Variants in SLC2A11 observed in about 807,000 individuals in gnomAD.
SLC2A11 encodes the protein solute carrier family 2, facilitated glucose transporter member 11.
In SLC2A11, 43 loss-of-function variants were observed where a neutral mutation model predicts 52.1. The ratio of observed to expected loss-of-function variants is 0.82; its 90% CI spans 0.65 to 1.06. The LOEUF is 1.06. Among genes scored for constraint, SLC2A11 ranks in the 50% least tolerant of loss-of-function variants. The pLI is 0.00. For missense variants in SLC2A11, 582 were observed against 654.2 expected (o/e 0.89, Z 1.20); for synonymous variants, 261 against 277.6 (o/e 0.94, Z 0.59).
chr22:23,883,900 G>C (rs746576623), intron 9 of SLC2A11, 27 bp downstream of exon 9: 1 of 1,608,478 alleles, frequency 6.2e-7, no homozygotes, highest in Non-Finnish European at 8.5e-7. Flanking sequence ...AGGGCTGGGG[G>C]GTCCAGGCCG....
chr22:23,876,117 GAGGGAGAC>G (rs2032606033), intron 4 of SLC2A11, among the ~76,000 whole-genome samples: 1 of 152,146 alleles, frequency 6.6e-6, no homozygotes, highest in African/African-American at 2.4e-5. Flanking sequence ...GAGGGAGAGA[GAGGGAGAC>G]AGGGAGACAG....
chr22:23,857,587 C>CG (rs2031888872), upstream of SLC2A11: 30 of 1,452,772 alleles, frequency 2.1e-5, no homozygotes, highest in Non-Finnish European at 2.7e-5. Context: ...ACCCCCCCCC[C>CG]GCGGCGGCGA....
chr22:23,857,167 T>G, upstream of SLC2A11: 1 of 973,540 alleles, frequency 1.0e-6, no homozygotes, highest in Non-Finnish European at 1.5e-6. Flanking sequence ...CCTCCGAGGT[T>G]CTGGCGGCCG....
intron 1 of SLC2A11, among the ~76,000 whole-genome samples, chr22:23,859,548 C>T (rs1325002303): frequency 6.6e-6 from 1 of 151,890 alleles, no homozygotes; most frequent in Non-Finnish European, 1.5e-5. Flanking sequence ...AGGGCAGTGG[C>T]GCGATCTGGG....
rs186436250 is a variant in SLC2A11 at position 23,885,090 on chromosome 22, T to G, written c.*241T>G. On this transcript the variant is annotated 3_prime_UTR_variant, in exon 12 of 12. Coordinates refer to ENST00000316185, the MANE Select transcript of SLC2A11 (RefSeq NM_001024939.4). ...ATTACAGGCTGGTTGTGGCAGCTCA[T>G]GACTGTAATCCCAGCACTTTGGGAG... 3.3e-4 allele frequency: 186 copies of G among 559,850 alleles called. 1 individual carries two copies. The highest frequency in any genetic ancestry group is 3.1e-3 in the African/African-American group (162 of 52,700). The allele number at this position is 559,850 out of a possible 1,614,324, so 34.7% of individuals were successfully genotyped here.
At chr22:23,864,289 G>A (rs758625448) in intron 2 of SLC2A11, among the ~76,000 whole-genome samples, 38 of 152,242 alleles carry the variant, frequency 2.5e-4, no homozygotes, top group Non-Finnish European at 4.6e-4. Flanking sequence ...AGTTTAGAAA[G>A]GGAGATCTGA....
At position 23,858,286 on chromosome 22, in the gene SLC2A11, T is replaced by C. The variant is rs2031929216; in HGVS notation, c.30+257T>C. On this transcript the variant is annotated intron_variant, in intron 1 of 11. Coordinates refer to ENST00000316185, the MANE Select transcript of SLC2A11 (RefSeq NM_001024939.4). ...CAGCCCCCAGAGATGCTAAATCCTC[T>C]GCCGATCAGCCCTGACCTCAGAGGC... 3 of 638,326 alleles carry C rather than the reference T, an allele frequency of 4.7e-6. No homozygotes were observed. In the South Asian group the frequency reaches 5.2e-5, roughly 11 times the overall value. The allele number at this position is 638,326 out of a possible 1,614,324, so 39.5% of individuals were successfully genotyped here.
In SLC2A11 at chr22:23,883,763, C is replaced by T; in HGVS notation, c.994-9C>T. ...TGGGTGTGTGGGTCTGTGCTTTCTG[C>T]CTTTGCAGTGTGTGGTAATCGAGAG... is the stretch of plus-strand genomic sequence containing the variant. On this transcript the variant is annotated splice_polypyrimidine_tract_variant and intron_variant, in intron 8 of 11. Transcript: ENST00000316185. The T allele has an allele frequency of 6.6e-7, 1 of 1,515,656 alleles. No individual in the cohort carries two copies. The highest frequency in any genetic ancestry group is 1.3e-5 in the South Asian group (1 of 74,456). 93.9% of individuals were successfully genotyped at this position (1,515,656 alleles called of 1,614,324 possible). A position where few individuals can be genotyped will look rare whatever the true frequency, so the allele number is the denominator to read the frequency against.
chr22:23,857,327 C>G, upstream of SLC2A11: 1 of 1,191,004 alleles, frequency 8.4e-7, no homozygotes, highest in Non-Finnish European at 1.2e-6. Context: ...GACTTGGGAG[C>G]GCGGCGACCA....
intron 1 of SLC2A11, 166 bp downstream of exon 1, chr22:23,858,195 A>G (rs1601480493): frequency 1.8e-6 from 2 of 1,101,172 alleles, no homozygotes. Flanking sequence ...TCAGATGTGC[A>G]TAGGCAGGTG....
In SLC2A11 at chr22:23,882,587, A is replaced by G. The variant is rs752123986; in HGVS notation, c.823A>G (p.Arg275Gly). ...GCTGTTCCAGCATCGGGCCCTGAGG[A>G]GACAGGTGACAAGCCTCGTGGTTCT... is the stretch of plus-strand genomic sequence containing the variant. ...WELFQHRALR[R>G]QVTSLVVLGS... Residue 275 changes from arginine to glycine, a missense_variant, in exon 7 of 12, where the codon AGA (arginine) becomes GGA (glycine). Physicochemically the swap from Arg to Gly is moderately radical, Grantham distance 125 (BLOSUM62 -2). Transcript: ENST00000316185. The G allele has an allele frequency of 1.2e-6, 2 of 1,613,376 alleles. No homozygotes were observed. Among genetic ancestry groups the G allele is most frequent in the African/African-American group, 2.7e-5 (2 of 74,998 alleles).
At chr22:23,872,429 A>G (rs1224056561) in intron 3 of SLC2A11, 2 of 152,160 alleles carry the variant, frequency 1.3e-5, no homozygotes, top group Non-Finnish European at 2.9e-5. Flanking sequence ...TTGCATTGTG[A>G]TCCCCTTTTA....
chr22:23,859,673 G>A (rs764669352), intron 1 of SLC2A11, among the ~76,000 whole-genome samples: 7 of 152,154 alleles, frequency 4.6e-5, no homozygotes, highest in Non-Finnish European at 8.8e-5. Flanking sequence ...ATTTTTAGTA[G>A]AGACAGGGTT....
chr22:23,875,013 T>C, intron 3 of SLC2A11, 104 bp from the exon 4 acceptor site: 1 of 1,288,512 alleles, frequency 7.8e-7, no homozygotes, highest in Non-Finnish European at 1.0e-6. Flanking sequence ...CATTTGTGTG[T>C]GTGTCTAATT....
rs1473439695 is a variant in SLC2A11, at chr22:23,885,801, G to A, written c.*952G>A. Reference sequence around the variant, plus strand: ...GAGTGGTCAGAAAAGAATTTTCTGAGGAATTGATGTTTTTAATCAACTTTA... The same window carrying A: ...GAGTGGTCAGAAAAGAATTTTCTGAAGAATTGATGTTTTTAATCAACTTTA... On this transcript the variant is annotated 3_prime_UTR_variant, in exon 12 of 12. Transcript: ENST00000316185. The A allele has an allele frequency of 6.6e-6, 1 of 152,178 alleles. No homozygotes were observed. The highest frequency in any genetic ancestry group is 1.5e-5 in the Non-Finnish European group (1 of 68,034). 9.4% of individuals were successfully genotyped at this position (152,178 alleles called of 1,614,324 possible).
chr22:23,857,587 C>CCT (rs71184920), upstream of SLC2A11: 4 of 1,452,774 alleles, frequency 2.8e-6, no homozygotes, highest in African/African-American at 1.4e-5. Context: ...ACCCCCCCCC[C>CCT]GCGGCGGCGA....
chr22:23,883,037 G>T (rs778206685), intron 8 of SLC2A11, 168 bp downstream of exon 8: 62 of 711,080 alleles, frequency 8.7e-5, no homozygotes, highest in Middle Eastern at 4.8e-4. Context: ...GAGGTGGGTG[G>T]ATCACAAGGT....
chr22:23,877,139 G>A lies in SLC2A11; in HGVS notation c.513G>A (p.Leu171=), dbSNP rs369793820. 1.2e-6 allele frequency: 2 copies of A among 1,613,280 alleles called. No homozygotes were observed. The highest frequency in any genetic ancestry group is 1.7e-6 in the Non-Finnish European group (2 of 1,179,748). ...VAMSSAIFTA[L]GIVMGQVVGL... ...TGAGCTCAGCCATCTTTACGGCTCTGGGGATCGTGATGGGACAGGTGGTCG... is the reference window on the plus strand; with the variant it reads ...TGAGCTCAGCCATCTTTACGGCTCTAGGGATCGTGATGGGACAGGTGGTCG... The change falls in exon 5 of 12, where the codon CTG becomes CTA. Residue 171 remains leucine (L), a synonymous_variant. Coordinates refer to ENST00000316185, the MANE Select transcript of SLC2A11 (RefSeq NM_001024939.4).
At chr22:23,858,217 G>GGTC in intron 1 of SLC2A11, 188 bp downstream of exon 1, 1 of 957,876 alleles carries the variant, frequency 1.0e-6, no homozygotes, top group Non-Finnish European at 1.6e-6. Flanking sequence ...TTACGCCCAG[G>GGTC]GTCGGCCTGT....
Sources: allele counts gnomAD v4.1 joint callset (sites outside exome capture counted in the v4.1 genomes callset), GRCh38; gene constraint gnomAD v4.1.1; transcripts MANE v1.5; gene names NCBI Gene and HGNC (gene_info 2026-07-23, HGNC 2026-07-21).